PHEX: variants seen among roughly 807,000 people sequenced by gnomAD.
PHEX encodes phosphate-regulating neutral endopeptidase PHEX.
A neutral mutation model predicts 68.0 loss-of-function variants in PHEX; 16 were observed. The ratio of observed to expected loss-of-function variants is 0.24; its 90% CI spans 0.16 to 0.36. The LOEUF is 0.36. Among genes scored for constraint, PHEX ranks in the 10% least tolerant of loss-of-function variants. PHEX has a pLI of 1.00. For missense variants in PHEX, 480 were observed against 575.5 expected, an observed-to-expected ratio of 0.83 and a Z score of 1.70; for synonymous variants, 208 against 205.1, an observed-to-expected ratio of 1.01 and a Z score of -0.12.
chrX:22,141,320 T>G (rs1932447573), intron 12 of PHEX, among the ~76,000 whole-genome samples: 1 of 111,764 alleles, frequency 8.9e-6, no homozygotes, highest in South Asian at 3.8e-4. Context: ...TTTAGAAGCT[T>G]AAGTTCAAGG....
chrX:22,242,882 C>T (rs768415469), intron 20 of PHEX, among the ~76,000 whole-genome samples: 2 of 111,766 alleles, frequency 1.8e-5, no homozygotes, highest in Non-Finnish European at 1.9e-5. Flanking sequence ...TCAATGCCAA[C>T]CCCATCAAGC....
At chrX:22,094,951 G>A (rs73201129) in intron 7 of PHEX, among the ~76,000 whole-genome samples, 11,106 of 111,812 alleles carry the variant, frequency 0.099, 575 homozygotes, top group Middle Eastern at 0.17. Context: ...AAACCCTGTA[G>A]TGAAAAAAAT....
chrX:22,223,745 A>G (rs891013685), intron 18 of PHEX, among the ~76,000 whole-genome samples: 5 of 112,857 alleles, frequency 4.4e-5, no homozygotes, highest in African/African-American at 1.6e-4. Flanking sequence ...CAAAACACAC[A>G]AACACACACG....
intron 13 of PHEX, among the ~76,000 whole-genome samples, chrX:22,175,390 GC>G (rs1933665818): frequency 9.5e-6 from 1 of 105,425 alleles, no homozygotes; most frequent in African/African-American, 3.5e-5. Flanking sequence ...TCCCTCTGTT[GC>G]CCAGGCTGGA....
At chrX:22,088,375 A>G (rs757971535) in intron 5 of PHEX, among the ~76,000 whole-genome samples, 6 of 111,647 alleles carry the variant, frequency 5.4e-5, no homozygotes, top group Non-Finnish European at 1.1e-4. Flanking sequence ...ACTTTATAAG[A>G]AACTGTAAAA....
intron 18 of PHEX, among the ~76,000 whole-genome samples, chrX:22,225,139 C>T (rs753231457): frequency 1.9e-5 from 2 of 107,085 alleles, no homozygotes; most frequent in East Asian, 6.0e-4. Context: ...ATGGCCCCTT[C>T]GTTTTTCAAA....
intron 15 of PHEX, among the ~76,000 whole-genome samples, chrX:22,196,823 T>C (rs1934382836): frequency 8.9e-6 from 1 of 112,103 alleles, no homozygotes; most frequent in Admixed American, 9.5e-5. Context: ...ATCACAGATA[T>C]TCTGCTAAAG....
At chrX:22,176,393 AAAAAAAAAAAT>A (rs1194224616) in intron 13 of PHEX, among the ~76,000 whole-genome samples, 4 of 81,933 alleles carry the variant, frequency 4.9e-5, no homozygotes, top group South Asian at 5.1e-4. Context: ...TCAAAAAAAA[AAAAAAAAAAAT>A]ATATATATAT....
intron 3 of PHEX, among the ~76,000 whole-genome samples, chrX:22,053,985 C>T (rs780779770): frequency 9.0e-6 from 1 of 111,499 alleles, no homozygotes; most frequent in Admixed American, 9.6e-5. Flanking sequence ...TCATCTTTTG[C>T]AGACAATGGA....
intron 9 of PHEX, among the ~76,000 whole-genome samples, chrX:22,106,792 A>AG (rs978501181): frequency 9.3e-5 from 10 of 108,016 alleles, no homozygotes; most frequent in African/African-American, 3.5e-4. Context: ...AAAAAAAAAA[A>AG]AAAACCAAAT....
chrX:22,083,241 A>C (rs1929474724), intron 5 of PHEX, among the ~76,000 whole-genome samples: 1 of 112,235 alleles, frequency 8.9e-6, no homozygotes, highest in South Asian at 3.7e-4. Flanking sequence ...CCTTGAAGAA[A>C]ACCTAGGAAA....
At chrX:22,067,855 G>A (rs185946442) in intron 3 of PHEX, among the ~76,000 whole-genome samples, 4 of 107,537 alleles carry the variant, frequency 3.7e-5, no homozygotes, top group East Asian at 5.9e-4. Flanking sequence ...TTTTTGAGAC[G>A]GAGTTTCACT....
intron 2 of PHEX, among the ~76,000 whole-genome samples, chrX:22,045,567 G>C (rs1327210770): frequency 4.5e-5 from 5 of 112,301 alleles, no homozygotes; most frequent in African/African-American, 6.5e-5. Flanking sequence ...TCCTACCTGT[G>C]GGTTATCTTC....
chrX:22,202,704 G>C (rs1028925045), intron 15 of PHEX, among the ~76,000 whole-genome samples: 6 of 111,363 alleles, frequency 5.4e-5, no homozygotes, highest in African/African-American at 2.0e-4. Flanking sequence ...CCCAGGCCTG[G>C]GCTGAATATC....
intron 13 of PHEX, chrX:22,171,885 G>T (rs1019394477): frequency 8.9e-6 from 1 of 111,947 alleles, no homozygotes; most frequent in East Asian, 2.8e-4. Context: ...TGCTGCATTT[G>T]AGACAGGTGG....
intron 8 of PHEX, 41 bp from the exon 9 acceptor site, chrX:22,098,965 A>G (rs777541394): frequency 4.2e-6 from 5 of 1,184,925 alleles, no homozygotes; most frequent in Non-Finnish European, 5.7e-6. Context: ...TTGCTACCTA[A>G]CCGAGATTCT....
At chrX:22,186,294 G>A (rs1287675200) in intron 14 of PHEX, among the ~76,000 whole-genome samples, 1 of 111,906 alleles carries the variant, frequency 8.9e-6, no homozygotes, top group Non-Finnish European at 1.9e-5. Context: ...TCAGGGGGAA[G>A]TTGTATCACC....
chrX:22,206,669 G>A (rs1020758848), intron 15 of PHEX, among the ~76,000 whole-genome samples: 1 of 111,077 alleles, frequency 9.0e-6, no homozygotes, highest in Non-Finnish European at 1.9e-5. Flanking sequence ...TACAGATAGT[G>A]GCGGAAAGTA....
At chrX:22,102,177 A>AT (rs1402914706) in intron 9 of PHEX, among the ~76,000 whole-genome samples, 5 of 111,159 alleles carry the variant, frequency 4.5e-5, no homozygotes, top group Admixed American at 3.8e-4. Context: ...CATTCTTTCT[A>AT]TTTTTTTGTA....
Sources: gnomAD v4.1 joint callset for allele counts (sites outside exome capture counted in the v4.1 genomes callset) on GRCh38, gnomAD v4.1.1 for gene constraint, MANE v1.5 for transcripts, NCBI Gene and HGNC (gene_info 2026-07-23, HGNC 2026-07-21) for gene names.